The following ANKS1B variants were observed in gnomAD, a reference collection of about 807,000 sequenced individuals.
The protein encoded by ANKS1B is ankyrin repeat and sterile alpha motif domain-containing protein 1B.
ANKS1B carries 36 observed loss-of-function variants against 148.3 expected under a neutral mutation model. The observed-to-expected ratio is 0.24, with a 90% CI of 0.19 to 0.32. ANKS1B has a LOEUF of 0.32. Ranked by LOEUF, ANKS1B falls within the 10% of genes least tolerant of loss-of-function variation. The probability of loss-of-function intolerance (pLI) is 1.00; values close to 1 mark genes in which losing one functional copy is unlikely to be tolerated. For synonymous variants in ANKS1B, 542 were observed against 560.8 expected, an observed-to-expected ratio of 0.97 and a Z score of 0.47; for missense variants, 1,157 against 1,542.6, an observed-to-expected ratio of 0.75 and a Z score of 4.19.
At chr12:99,285,526 T>C (rs1310415689) in intron 12 of ANKS1B, among the ~76,000 whole-genome samples, 3 of 152,196 alleles carry the variant, frequency 2.0e-5, no homozygotes, top group Non-Finnish European at 4.4e-5. Flanking sequence ...AATGACTGAA[T>C]AGAACTTTCC....
intron 14 of ANKS1B, among the ~76,000 whole-genome samples, chr12:99,211,563 T>A (rs999126966): frequency 1.3e-5 from 2 of 152,232 alleles, no homozygotes; most frequent in Non-Finnish European, 2.9e-5. Flanking sequence ...ATCCTAGCAT[T>A]GCAAACAAAA....
At chr12:99,204,962 T>C (rs556363435) in intron 14 of ANKS1B, among the ~76,000 whole-genome samples, 1 of 152,200 alleles carries the variant, frequency 6.6e-6, no homozygotes, top group South Asian at 2.1e-4. Context: ...CCCTTCTGGA[T>C]TATGTTTACC....
intron 15 of ANKS1B, among the ~76,000 whole-genome samples, chr12:99,115,872 C>T (rs1289260373): frequency 7.0e-6 from 1 of 143,696 alleles, no homozygotes; most frequent in Non-Finnish European, 1.5e-5. Flanking sequence ...GCAGAGGTTG[C>T]AGTGAGCCGA....
chr12:99,455,053 T>C (rs2095822709), intron 10 of ANKS1B, among the ~76,000 whole-genome samples: 1 of 152,240 alleles, frequency 6.6e-6, no homozygotes. Context: ...CAGGCTCTCC[T>C]GGTTTTGAGT....
intron 17 of ANKS1B, among the ~76,000 whole-genome samples, chr12:98,894,426 A>G (rs1358075765): frequency 1.3e-5 from 2 of 150,978 alleles, no homozygotes; most frequent in African/African-American, 4.9e-5. Flanking sequence ...AACAGGTTTG[A>G]AAAAAAAAGC....
chr12:99,068,553 G>GA (rs1014304569), intron 16 of ANKS1B, among the ~76,000 whole-genome samples: 18 of 152,036 alleles, frequency 1.2e-4, no homozygotes, highest in African/African-American at 4.3e-4. Context: ...ATAAGTTCTA[G>GA]AAAAAAATGC....
chr12:98,853,386 GAAC>G (rs962757877), intron 17 of ANKS1B, among the ~76,000 whole-genome samples: 2 of 152,184 alleles, frequency 1.3e-5, no homozygotes, highest in African/African-American at 4.8e-5. Flanking sequence ...CAAAGCCTCT[GAAC>G]ACCACCGAGG....
chr12:99,016,311 C>T (rs1360178518), intron 17 of ANKS1B, among the ~76,000 whole-genome samples: 1 of 152,122 alleles, frequency 6.6e-6, no homozygotes, highest in East Asian at 1.9e-4. Flanking sequence ...AAGTAGGATA[C>T]CATGATTGAT....
At chr12:99,759,798 G>A (rs1352258733) in intron 8 of ANKS1B, among the ~76,000 whole-genome samples, 3 of 151,852 alleles carry the variant, frequency 2.0e-5, no homozygotes, top group Non-Finnish European at 2.9e-5. Context: ...CAGAATGTGA[G>A]GTTAAAAGAA....
chr12:99,234,608 G>C (rs2087526777), intron 14 of ANKS1B, among the ~76,000 whole-genome samples: 1 of 152,082 alleles, frequency 6.6e-6, no homozygotes, highest in South Asian at 2.1e-4. Context: ...ATATGTATCT[G>C]CATATGTTAG....
At chr12:99,680,767 G>A (rs968607991) in intron 8 of ANKS1B, among the ~76,000 whole-genome samples, 4 of 152,122 alleles carry the variant, frequency 2.6e-5, no homozygotes, top group African/African-American at 9.7e-5. Context: ...TCTCAGTACT[G>A]CTCACAGGCT....
intron 17 of ANKS1B, among the ~76,000 whole-genome samples, chr12:99,037,350 A>G (rs2099956177): frequency 6.6e-6 from 1 of 152,106 alleles, no homozygotes; most frequent in Non-Finnish European, 1.5e-5. Context: ...CCCCATCTTG[A>G]CTAAAAATAC....
In ANKS1B at chr12:99,221,532, G is replaced by C. The variant is rs12314782; in HGVS notation, c.2419+22810C>G. ...ACAGCAGCTCCCAGAATGGGCCAAG[G>C]CATTTTGAACAGGCAGTTCAGAGAA... On this transcript the variant is annotated intron_variant, in intron 14 of 26. Coordinates refer to ENST00000683438, the MANE Select transcript of ANKS1B (RefSeq NM_001352186.2). Among the ~76,000 whole-genome samples the C allele has an allele frequency of 5.0e-3, 765 of 152,122 alleles. 9 individuals are homozygous for C. Among genetic ancestry groups the C allele is most frequent in the African/African-American group, 0.018 (746 of 41,464 alleles).
chr12:99,885,594 C>T (rs57103154), intron 1 of ANKS1B, among the ~76,000 whole-genome samples: 8,511 of 152,046 alleles, frequency 0.056, 772 homozygotes, highest in African/African-American at 0.19. Flanking sequence ...TGAGCCACCG[C>T]GCCCGGTCTT....
chr12:98,912,198 C>A (rs1177213576), intron 17 of ANKS1B, among the ~76,000 whole-genome samples: 1 of 152,174 alleles, frequency 6.6e-6, no homozygotes, highest in Non-Finnish European at 1.5e-5. Flanking sequence ...AAGAAATTTA[C>A]TCAGGGTCAC....
chr12:99,808,843 G>T (rs922772481), intron 3 of ANKS1B, among the ~76,000 whole-genome samples: 1 of 152,050 alleles, frequency 6.6e-6, no homozygotes, highest in Non-Finnish European at 1.5e-5. Flanking sequence ...AGAGCCCTGA[G>T]CCTAGGAAAT....
At chr12:98,887,221 T>C (rs776079115) in intron 17 of ANKS1B, among the ~76,000 whole-genome samples, 7 of 152,228 alleles carry the variant, frequency 4.6e-5, no homozygotes, top group Admixed American at 1.3e-4. Flanking sequence ...ATCTGATGTG[T>C]TTAAAACTGG....
At chr12:99,259,844 T>C (rs2075733224) in intron 12 of ANKS1B, among the ~76,000 whole-genome samples, 1 of 152,208 alleles carries the variant, frequency 6.6e-6, no homozygotes, top group Admixed American at 6.5e-5. Context: ...ACAGGGGCAG[T>C]TTCTCAGCTA....
chr12:98,923,795 T>C (rs2099804511), intron 17 of ANKS1B, among the ~76,000 whole-genome samples: 1 of 152,224 alleles, frequency 6.6e-6, no homozygotes, highest in Non-Finnish European at 1.5e-5. Flanking sequence ...CGTAGAATTA[T>C]CATTTAGTTC....
Sources: gnomAD v4.1 joint callset for allele counts (sites outside exome capture counted in the v4.1 genomes callset) on GRCh38, gnomAD v4.1.1 for gene constraint, MANE v1.5 for transcripts, NCBI Gene and HGNC (gene_info 2026-07-23, HGNC 2026-07-21) for gene names.